The following NOTCH4 variants were observed in gnomAD, a reference collection of about 807,000 sequenced individuals.
NOTCH4 encodes the protein notch receptor 4.
A neutral mutation model predicts 189.0 loss-of-function variants in NOTCH4; 138 were observed. That is an observed-to-expected ratio of 0.73 (90% CI 0.64 to 0.84). NOTCH4 has a LOEUF of 0.84. Ranked by LOEUF, NOTCH4 falls within the 40% of genes least tolerant of loss-of-function variation. NOTCH4 has a pLI of 0.00. For synonymous variants in NOTCH4, 942 were observed against 1,032.8 expected (o/e 0.91, Z 1.69); for missense variants, 2,286 against 2,605.4 (o/e 0.88, Z 2.67).
rs773802121 is a variant in NOTCH4, at chr6:32,196,347, C to G, written c.5275G>C (p.Asp1759His). 6.2e-7 allele frequency: 1 copy of G among 1,613,136 alleles called. No individual in the cohort carries two copies. The change falls in exon 29 of 30, where the codon GAT becomes CAT. Residue 1759 changes from aspartate (D) to histidine (H), a missense_variant. Coordinates refer to ENST00000375023, the MANE Select transcript of NOTCH4 (RefSeq NM_004557.4). ...AARSLLQAGA[D>H]KDAQDNREQT... ...ACCCTGTTGTCCTGGGCATCTTTAT[C>G]GGCTCCGGCCTGGAGAAGCGAGCGG...
At chr6:32,213,068 A>G in intron 15 of NOTCH4, 67 bp downstream of exon 15, 6 of 1,252,924 alleles carry the variant, frequency 4.8e-6, no homozygotes, top group South Asian at 1.2e-5. Context: ...ACCCAGGGGG[A>G]GATGAGAGGA....
chr6:32,224,005 G>T lies in NOTCH4; in HGVS notation c.-77C>A. 1 of 1,434,256 alleles carries T rather than the reference G, an allele frequency of 7.0e-7. No homozygotes were observed. Among genetic ancestry groups the T allele is most frequent in the Non-Finnish European group, 9.3e-7 (1 of 1,072,892 alleles). The allele number at this position is 1,434,256 out of a possible 1,614,324, so 88.8% of individuals were successfully genotyped here. On this transcript the variant is annotated 5_prime_UTR_variant, in exon 1 of 30. Transcript: ENST00000375023. ...CCTCAGAGCTCTCACTGGGGCAGGA[G>T]CCACCTCCTCTGCTCCCACTGCCCC...
In NOTCH4 at chr6:32,218,415, C is replaced by T. The variant is rs145489814; in HGVS notation, c.1511-307G>A. On this transcript the variant is annotated intron_variant, in intron 8 of 29. Transcript: ENST00000375023. ...GGCTCACCAGGGCAGGCTGATCAGCCTGGAGGACCTCAAGGTACAAATAGG... is the reference window on the plus strand; with the variant it reads ...GGCTCACCAGGGCAGGCTGATCAGCTTGGAGGACCTCAAGGTACAAATAGG... 1.2e-4 allele frequency among the ~76,000 whole-genome samples: 18 copies of T among 152,258 alleles called. No homozygotes were observed. In the East Asian group the frequency reaches 3.5e-3, roughly 29 times the overall value.
At chr6:32,203,283 G>C (rs1244483506) in intron 20 of NOTCH4, 3 of 154,754 alleles carry the variant, frequency 1.9e-5, no homozygotes, top group African/African-American at 7.2e-5. Context: ...CAGGATACAG[G>C]AGGAGGACTT....
chr6:32,203,842 T>C lies in NOTCH4; in HGVS notation c.3159A>G (p.Gln1053=), dbSNP rs751197180. 3.2e-6 allele frequency: 5 copies of C among 1,562,262 alleles called. No individual in the cohort carries two copies. In the South Asian group the frequency reaches 5.9e-5, roughly 18 times the overall value. ...CEVEIDPCHS[Q]PCFHGGTCEA... is the part of the protein sequence containing the mutation. The stretch of plus-strand genomic sequence containing the variant: ...CACAGGTCCCTCCATGAAAGCAGGG[T>C]TGGCTGTGGCAGGGGTCTATCTCCA... Residue 1053 remains glutamine (Q), a synonymous_variant, in exon 20 of 30, where the codon CAA becomes CAG. Coordinates refer to ENST00000375023, the MANE Select transcript of NOTCH4 (RefSeq NM_004557.4).
rs1195369675 is a variant in NOTCH4 at position 32,202,717 on chromosome 6, C to T, written c.3232-118G>A. ...GTCCTAGATTCTCATATCTAAAAGG[C>T]GCCTCAGAGAGCATCAAGTTAATCA... is the stretch of plus-strand genomic sequence containing the variant. On this transcript the variant is annotated intron_variant, in intron 20 of 29. Coordinates refer to ENST00000375023, the MANE Select transcript of NOTCH4 (RefSeq NM_004557.4). The surrounding 1 kb of genome is among the most constrained non-coding windows in gnomAD (Gnocchi z 5.7). 20 of 915,140 alleles carry T rather than the reference C, an allele frequency of 2.2e-5. No individual in the cohort carries two copies. The highest frequency in any genetic ancestry group is 3.5e-4 in the Middle Eastern group (1 of 2,898). The allele number at this position is 915,140 out of a possible 1,614,324, so 56.7% of individuals were successfully genotyped here. A position where few individuals can be genotyped will look rare whatever the true frequency, so the allele number is the denominator to read the frequency against.
At position 32,217,926 on chromosome 6, in the gene NOTCH4, G is replaced by A. The variant is rs1334397893; in HGVS notation, c.1624+69C>T. 1.6e-5 allele frequency: 16 copies of A among 1,031,850 alleles called. No individual in the cohort carries two copies. In the African/African-American group the frequency reaches 2.4e-4, roughly 15 times the overall value. The allele number at this position is 1,031,850 out of a possible 1,614,324, so 63.9% of individuals were successfully genotyped here. On this transcript the variant is annotated intron_variant, in intron 9 of 29. Transcript: ENST00000375023. This position sits in a 1 kb window ranked among gnomAD's most constrained non-coding sequence, Gnocchi z 4.2. ...GAGCTTCAAGTGGCCTTGGGTGATTGCTGAGCCTGAACTCTGCAGGTTCAG... is the reference window on the plus strand; with the variant it reads ...GAGCTTCAAGTGGCCTTGGGTGATTACTGAGCCTGAACTCTGCAGGTTCAG...
intron 17 of NOTCH4, among the ~76,000 whole-genome samples, chr6:32,211,682 A>G (rs1039786192): frequency 1.3e-5 from 2 of 152,140 alleles, no homozygotes; most frequent in African/African-American, 2.4e-5. Flanking sequence ...TCAGGGCCCA[A>G]TCTCTGGGTG....
In NOTCH4 at chr6:32,195,975, G is replaced by A; in HGVS notation, c.5474C>T (p.Pro1825Leu). 6.3e-7 allele frequency: 1 copy of A among 1,598,082 alleles called. No individual in the cohort carries two copies. The highest frequency in any genetic ancestry group is 2.2e-5 in the East Asian group (1 of 44,772). Residue 1825 changes from proline (P) to leucine (L), a missense_variant, in exon 30 of 30, where the codon CCA becomes CTA. Coordinates refer to ENST00000375023, the MANE Select transcript of NOTCH4 (RefSeq NM_004557.4). This position sits in a 1 kb window ranked among gnomAD's most constrained non-coding sequence, Gnocchi z 5.4. ...CGGCGTGGCTTTGTGACGGGCCTCT[G>A]GTGGCCCAGCCCCTTCCAGCAGCGT... The part of the protein sequence containing the change: ...LLTLLEGAGP[P>L]EARHKATPGR...
rs190390420 is a variant in NOTCH4, at chr6:32,196,440, G to T, written c.5201-19C>A. The T allele has an allele frequency of 6.5e-5, 104 of 1,611,976 alleles. 1 individual carries two copies. In the East Asian group the frequency reaches 1.0e-3, roughly 16 times the overall value. On this transcript the variant is annotated intron_variant, in intron 28 of 29. Coordinates refer to ENST00000375023, the MANE Select transcript of NOTCH4 (RefSeq NM_004557.4). ...GTTTTCCCTAGGGGACGACGTGGGA[G>T]GTTGTTACCCCAGTTGGGGGCCAGA...
chr6:32,220,694 G>T, intron 5 of NOTCH4, 53 bp from the exon 6 acceptor site: 4 of 1,612,600 alleles, frequency 2.5e-6, no homozygotes, highest in South Asian at 1.1e-5. Flanking sequence ...CCTATGAGTA[G>T]GGGAGGCCAG....
chr6:32,216,686 G>T, intron 11 of NOTCH4: 1 of 586,626 alleles, frequency 1.7e-6, no homozygotes, highest in Non-Finnish European at 3.0e-6. Flanking sequence ...GCAAGTGAAT[G>T]CCTTTTCTTT....
Position 32,212,414 on chromosome 6 carries a change from G to T in NOTCH4, c.2680+60C>A. ...CTGTGTGGAAGCCCACAGGAACGGG[G>T]CAGGTGAGAACACCCATATTTTCTT... On this transcript the variant is annotated intron_variant, in intron 17 of 29. Coordinates refer to ENST00000375023, the MANE Select transcript of NOTCH4 (RefSeq NM_004557.4). The surrounding 1 kb of genome is among the most constrained non-coding windows in gnomAD (Gnocchi z 4.4). 3.3e-6 allele frequency: 5 copies of T among 1,501,350 alleles called. No homozygotes were observed. The highest frequency in any genetic ancestry group is 4.5e-6 in the Non-Finnish European group (5 of 1,110,674). The allele number at this position is 1,501,350 out of a possible 1,614,324, so 93.0% of individuals were successfully genotyped here.
chr6:32,202,531 G>T lies in NOTCH4; in HGVS notation c.3300C>A (p.Gly1100=). Residue 1100 remains glycine (G), a synonymous_variant, in exon 21 of 30, where the codon GGC becomes GGA. Coordinates refer to ENST00000375023, the MANE Select transcript of NOTCH4 (RefSeq NM_004557.4). The surrounding 1 kb of genome is among the most constrained non-coding windows in gnomAD (Gnocchi z 5.7). ...SCGFHHCHHG[G]LCLPSPKPGF... is the part of the protein sequence containing the mutation. ...CTGGCTTAGGGGAGGGCAGACACAG[G>T]CCTCCGTGGTGGCAGTGATGGAAGC... 1.9e-6 allele frequency: 3 copies of T among 1,609,694 alleles called. No individual in the cohort carries two copies. The highest frequency in any genetic ancestry group is 2.5e-6 in the Non-Finnish European group (3 of 1,177,298).
rs764352594 is a variant in NOTCH4, at chr6:32,202,326, G to A, written c.3505C>T (p.Arg1169Trp). The change falls in exon 21 of 30, where the codon CGG (arginine) becomes TGG (tryptophan). Residue 1169 changes from arginine to tryptophan, a missense_variant. By Grantham distance (101) the Arg-to-Trp change is moderately radical. Transcript: ENST00000375023. This position sits in a 1 kb window ranked among gnomAD's most constrained non-coding sequence, Gnocchi z 5.7. ...CCCTTGGCTCCGGGTTTCTGACACC[G>A]GGGCCCTGGAGAGCTGTGAGGGCAG... Reference protein sequence around the residue: ...CSCPHSSPGPRCQKPGAKGCE... With the variant: ...CSCPHSSPGPWCQKPGAKGCE... 8.1e-6 allele frequency: 13 copies of A among 1,612,534 alleles called. No individual in the cohort carries two copies. The highest frequency in any genetic ancestry group is 1.7e-5 in the Admixed American group (1 of 59,976).
chr6:32,196,112 C>T lies in NOTCH4; in HGVS notation c.5337G>A (p.Ala1779=). 6.3e-7 allele frequency: 1 copy of T among 1,589,472 alleles called. No individual in the cohort carries two copies. The highest frequency in any genetic ancestry group is 1.1e-5 in the South Asian group (1 of 89,934). Residue 1779 remains alanine (A), a synonymous_variant, in exon 30 of 30, where the codon GCG becomes GCA. Coordinates refer to ENST00000375023, the MANE Select transcript of NOTCH4 (RefSeq NM_004557.4). ...TPLFLAAREG[A]VEVAQLLLGL... ...CCAGCAGTAGCTGGGCTACTTCCAC[C>T]GCTCCTTCCCGCGCCGCCAGGAATA...
intron 20 of NOTCH4, 186 bp downstream of exon 20, chr6:32,203,584 T>C (rs114346265): frequency 5.9e-5 from 33 of 558,894 alleles, no homozygotes; most frequent in African/African-American, 2.3e-4. Context: ...CCATTCATGC[T>C]ATCAACTGAT....
rs1318037237 is a variant in NOTCH4, at chr6:32,212,209, C to G, written c.2680+265G>C. On this transcript the variant is annotated intron_variant, in intron 17 of 29. Transcript: ENST00000375023. The surrounding 1 kb of genome is among the most constrained non-coding windows in gnomAD (Gnocchi z 4.4). ...AGTTGCTCCACGTTGAGTCATGTCCCTCATGGTTGGGTTAAACTGGAATCC... is the reference window on the plus strand; with the variant it reads ...AGTTGCTCCACGTTGAGTCATGTCCGTCATGGTTGGGTTAAACTGGAATCC... Among the ~76,000 whole-genome samples the G allele has an allele frequency of 6.6e-6, 1 of 152,126 alleles. No homozygotes were observed. The highest frequency in any genetic ancestry group is 1.5e-5 in the Non-Finnish European group (1 of 68,032).
rs1287475097 is a variant in NOTCH4 at position 32,204,280 on chromosome 6, C to T, written c.2975G>A (p.Cys992Tyr). 1.2e-6 allele frequency: 2 copies of T among 1,612,976 alleles called. No homozygotes were observed. Among genetic ancestry groups the T allele is most frequent in the Non-Finnish European group, 1.7e-6 (2 of 1,180,050 alleles). The stretch of plus-strand genomic sequence containing the variant: ...CCCCACAAAGCCTGGAGGGCAGGCA[C>T]AGTGGAATCCTCCAGGTTTGGGAGT... ...TCTPKPGGFH[C>Y]ACPPGFVGLR... Residue 992 changes from cysteine (C) to tyrosine (Y), a missense_variant, in exon 19 of 30, where the codon TGT becomes TAT. Transcript: ENST00000375023.
Sources: gnomAD v4.1 joint callset for allele counts (sites outside exome capture counted in the v4.1 genomes callset) on GRCh38, gnomAD v4.1.1 for gene constraint, Gnocchi (gnomAD v3.1) non-coding constraint, MANE v1.5 for transcripts, NCBI Gene and HGNC (gene_info 2026-07-23, HGNC 2026-07-21) for gene names.